AKR1C4: variants seen among roughly 807,000 people sequenced by gnomAD.
AKR1C4 encodes aldo-keto reductase family 1 member C4, also known as 3-alpha-HSD1.
A neutral mutation model predicts 41.0 loss-of-function variants in AKR1C4; 44 were observed. The ratio of observed to expected loss-of-function variants is 1.07; its 90% CI spans 0.84 to 1.38. The LOEUF (loss-of-function observed/expected upper bound fraction) is 1.38, where lower values mean the gene tolerates loss of function less well. Among genes scored for constraint, AKR1C4 ranks in the 40% most tolerant of loss-of-function variants. The pLI is 0.00. For missense variants in AKR1C4, 438 were observed against 387.9 expected, an observed-to-expected ratio of 1.13 and a Z score of -1.09; for synonymous variants, 165 against 137.7, an observed-to-expected ratio of 1.20 and a Z score of -1.39.
Position 5,200,285 on chromosome 10 carries a change from G to A in AKR1C4, c.189G>A (p.Leu63=). The A allele has an allele frequency of 1.9e-6, 3 of 1,614,172 alleles. No homozygotes were observed. The highest frequency in any genetic ancestry group is 8.5e-7 in the Non-Finnish European group (1 of 1,179,990). ...ACAATAATGAGGAGCAGGTTGGACT[G>A]GCCATCCGAAGCAAGATTGCAGATG... The part of the protein sequence containing the change: ...YLYNNEEQVG[L]AIRSKIADGS... Residue 63 remains leucine, a synonymous_variant, in exon 2 of 9, where the codon CTG becomes CTA. Transcript: ENST00000263126.
At chr10:5,216,502 C>T (rs1423720337) in intron 7 of AKR1C4, among the ~76,000 whole-genome samples, 3 of 152,154 alleles carry the variant, frequency 2.0e-5, no homozygotes, top group African/African-American at 7.2e-5. Context: ...CAGTTTTGTG[C>T]AGTTTCAATA....
In AKR1C4 at chr10:5,199,042, A is replaced by G. The variant is rs116387817; in HGVS notation, c.85-1139A>G. ...TCTCAAATAATAATAACTATTTATA[A>G]GTTGAGTCTTGTTAATTTTTCTAAC... On this transcript the variant is annotated intron_variant, in intron 1 of 8. Transcript: ENST00000263126. 7.3e-3 allele frequency among the ~76,000 whole-genome samples: 1,115 copies of G among 152,240 alleles called. 16 individuals carry two copies. Among genetic ancestry groups the G allele is most frequent in the African/African-American group, 0.026 (1,069 of 41,526 alleles).
intron 7 of AKR1C4, among the ~76,000 whole-genome samples, chr10:5,215,204 A>G (rs1461571428): frequency 2.0e-5 from 3 of 152,172 alleles, no homozygotes; most frequent in African/African-American, 7.2e-5. Context: ...GAAACTTATA[A>G]TTTAGACAGT....
At chr10:5,204,762 G>A (rs1832459211) in intron 3 of AKR1C4, 1 of 509,162 alleles carries the variant, frequency 2.0e-6, no homozygotes, top group Non-Finnish European at 3.7e-6. Context: ...TCTTAATTAG[G>A]GTTCCTGAGT....
chr10:5,216,778 A>C lies in AKR1C4; in HGVS notation c.914A>C (p.Tyr305Ser). The C allele has an allele frequency of 6.2e-7, 1 of 1,609,474 alleles. No homozygotes were observed. Among genetic ancestry groups the C allele is most frequent in the East Asian group, 2.2e-5 (1 of 44,816 alleles). The change falls in exon 8 of 9, where the codon TAT becomes TCT. Residue 305 changes from tyrosine (Y) to serine (S), a missense_variant. By Grantham distance (144) the Tyr-to-Ser change is moderately radical. Transcript: ENST00000263126. ...VLDGLNRNYR[Y>S]VVMDFLMDHP... The stretch of plus-strand genomic sequence containing the variant: ...GATGGTCTAAACAGAAATTATCGAT[A>C]TGTTGTCATGGATTTGTAAGTAACT...
intron 2 of AKR1C4, among the ~76,000 whole-genome samples, chr10:5,203,269 T>C (rs1482404146): frequency 6.6e-6 from 1 of 152,130 alleles, no homozygotes; most frequent in Non-Finnish European, 1.5e-5. Context: ...ATTAATATCA[T>C]GAAATTCAGT....
intron 2 of AKR1C4, among the ~76,000 whole-genome samples, chr10:5,204,061 C>T (rs543313959): frequency 2.6e-5 from 4 of 152,294 alleles, no homozygotes; most frequent in African/African-American, 7.2e-5. Context: ...TCTTGCCCAT[C>T]GGGTTCAATG....
rs546353081 is a variant in AKR1C4, at chr10:5,215,774, T to C, written c.847-937T>C. On this transcript the variant is annotated intron_variant, in intron 7 of 8. Transcript: ENST00000263126. Reference sequence around the variant, plus strand: ...TCATTAGCCTAAACTTAGTTGGCCATATTTTTAATCAGCATTTTGGTCAGA... The same window carrying C: ...TCATTAGCCTAAACTTAGTTGGCCACATTTTTAATCAGCATTTTGGTCAGA... Among the ~76,000 whole-genome samples the C allele has an allele frequency of 7.6e-4, 116 of 152,340 alleles. No individual in the cohort carries two copies. The Middle Eastern group carries it at 0.014, about 18-fold the overall frequency.
At chr10:5,197,031 TTG>T in intron 1 of AKR1C4, 80 bp downstream of exon 1, 1 of 1,423,424 alleles carries the variant, frequency 7.0e-7, no homozygotes, top group Non-Finnish European at 9.9e-7. Flanking sequence ...TTGTTCAGCT[TTG>T]TGTTTCTGTT....
chr10:5,215,388 A>C (rs1832640377), intron 7 of AKR1C4, among the ~76,000 whole-genome samples: 1 of 151,724 alleles, frequency 6.6e-6, no homozygotes, highest in Non-Finnish European at 1.5e-5. Flanking sequence ...GCTGTAAAAA[A>C]AATACTTGAT....
At chr10:5,204,151 A>G (rs1187572300) in intron 2 of AKR1C4, among the ~76,000 whole-genome samples, 4 of 152,326 alleles carry the variant, frequency 2.6e-5, no homozygotes, top group Middle Eastern at 3.4e-3. Flanking sequence ...CTTGATATCA[A>G]TTTTTACCTA....
At chr10:5,199,033 CTATT>C (rs1327036496) in intron 1 of AKR1C4, among the ~76,000 whole-genome samples, 7 of 152,124 alleles carry the variant, frequency 4.6e-5, no homozygotes, top group East Asian at 1.9e-4. Flanking sequence ...ATAATAATAA[CTATT>C]TATAAGTTGA....
At chr10:5,199,179 A>G (rs1350477971) in intron 1 of AKR1C4, among the ~76,000 whole-genome samples, 2 of 152,200 alleles carry the variant, frequency 1.3e-5, no homozygotes, top group African/African-American at 2.4e-5. Flanking sequence ...TAACCAGGAA[A>G]GACTTCAGCA....
intron 2 of AKR1C4, 57 bp downstream of exon 2, chr10:5,200,405 T>A: frequency 6.5e-7 from 1 of 1,542,442 alleles, no homozygotes; most frequent in East Asian, 2.3e-5. Context: ...TGTGTGGAGA[T>A]GACAATTCTG....
In AKR1C4 at chr10:5,213,000, C is replaced by T; in HGVS notation, c.687C>T (p.Asp229=). Residue 229 remains aspartate, a synonymous_variant, in exon 7 of 9, where the codon GAC becomes GAT. Coordinates refer to ENST00000263126, the MANE Select transcript of AKR1C4 (RefSeq NM_001818.5). ...LGTQRHKLWV[D]PNSPVLLEDP... The stretch of plus-strand genomic sequence containing the variant: ...TTTCTGGCTTTCCTTCCAGGGTGGA[C>T]CCAAACTCCCCAGTTCTTTTGGAGG... 3 of 1,613,998 alleles carry T rather than the reference C, an allele frequency of 1.9e-6. No homozygotes were observed. Among genetic ancestry groups the T allele is most frequent in the Non-Finnish European group, 2.5e-6 (3 of 1,179,978 alleles).
rs1554798538 is a variant in AKR1C4 at position 5,216,695 on chromosome 10, T to C, written c.847-16T>C. ...TTATGCAATCTAAGAATAAACATTTTCTACTTCTTTGGTAGGTTTTTGAAT... is the reference window on the plus strand; with the variant it reads ...TTATGCAATCTAAGAATAAACATTTCCTACTTCTTTGGTAGGTTTTTGAAT... On this transcript the variant is annotated splice_polypyrimidine_tract_variant and intron_variant, in intron 7 of 8. Transcript: ENST00000263126. The C allele has an allele frequency of 6.3e-7, 1 of 1,590,436 alleles. No individual in the cohort carries two copies. The highest frequency in any genetic ancestry group is 8.6e-7 in the Non-Finnish European group (1 of 1,160,542).
intron 5 of AKR1C4, among the ~76,000 whole-genome samples, chr10:5,210,387 A>C (rs1308255675): frequency 1.6e-4 from 25 of 152,224 alleles, no homozygotes; most frequent in Admixed American, 1.6e-3. Context: ...CTGTCAGTGG[A>C]TCTACCATTC....
At chr10:5,213,253 C>T (rs1340781613) in intron 7 of AKR1C4, 94 bp downstream of exon 7, 14 of 1,535,104 alleles carry the variant, frequency 9.1e-6, no homozygotes, top group South Asian at 1.2e-5. Flanking sequence ...ACTAAGTCCA[C>T]TTCCTGGGCA....
intron 7 of AKR1C4, among the ~76,000 whole-genome samples, chr10:5,215,195 A>C (rs1554798376): frequency 6.6e-6 from 1 of 152,186 alleles, no homozygotes; most frequent in African/African-American, 2.4e-5. Flanking sequence ...AAAAATTTTG[A>C]AACTTATAAT....
Sources: allele counts gnomAD v4.1 joint callset (sites outside exome capture counted in the v4.1 genomes callset), GRCh38; gene constraint gnomAD v4.1.1; transcripts MANE v1.5; gene names NCBI Gene and HGNC (gene_info 2026-07-23, HGNC 2026-07-21).